AFM: variants seen among roughly 807,000 people sequenced by gnomAD.
The protein encoded by AFM is afamin.
Under a neutral mutation model 68.7 loss-of-function variants are expected in AFM, and 82 were observed. The ratio of observed to expected loss-of-function variants is 1.19; its 90% CI spans 1.00 to 1.43. AFM has a LOEUF of 1.43. Among genes scored for constraint, AFM ranks in the 40% most tolerant of loss-of-function variants. The probability of loss-of-function intolerance (pLI) is 0.00; values close to 1 mark genes in which losing one functional copy is unlikely to be tolerated. For synonymous variants in AFM, 250 were observed against 234.2 expected (o/e 1.07, Z -0.61); for missense variants, 772 against 701.8 (o/e 1.10, Z -1.13).
At position 73,491,977 on chromosome 4, in the gene AFM, T is replaced by G. The variant is rs907269017; in HGVS notation, c.949T>G (p.Ser317Ala). 1 of 1,613,898 alleles carries G rather than the reference T, an allele frequency of 6.2e-7. No individual in the cohort carries two copies. Among genetic ancestry groups the G allele is most frequent in the Non-Finnish European group, 8.5e-7 (1 of 1,179,918 alleles). The change falls in exon 8 of 15, where the codon TCA (serine) becomes GCA (alanine). Residue 317 changes from serine to alanine, a missense_variant. By Grantham distance (99) the Ser-to-Ala change is moderately conservative. Coordinates refer to ENST00000226355, the MANE Select transcript of AFM (RefSeq NM_001133.2). ...AGAGCGCGGCCAGTGCATAATTAACTCAAACAAAGATGATAGACCAAAGGA... is the reference window on the plus strand; with the variant it reads ...AGAGCGCGGCCAGTGCATAATTAACGCAAACAAAGATGATAGACCAAAGGA... ...IPERGQCIIN[S>A]NKDDRPKDLS... is the part of the protein sequence containing the mutation.
chr4:73,495,921 T>G (rs1721240557), intron 9 of AFM, among the ~76,000 whole-genome samples: 1 of 152,218 alleles, frequency 6.6e-6, no homozygotes, highest in Non-Finnish European at 1.5e-5. Context: ...ACATTTGTGT[T>G]CAACTCTTCA....
rs754251771 is a variant in AFM, at chr4:73,501,775, T to G, written c.1647-12T>G. On this transcript the variant is annotated splice_polypyrimidine_tract_variant and intron_variant, in intron 12 of 14. Transcript: ENST00000226355. ...GCGTTAATTAATTTTATTTGACATCTTTTGGCCACAGGTTTCTTGTCAACT... is the reference window on the plus strand; with the variant it reads ...GCGTTAATTAATTTTATTTGACATCGTTTGGCCACAGGTTTCTTGTCAACT... 1.2e-6 allele frequency: 2 copies of G among 1,608,604 alleles called. No homozygotes were observed. Among genetic ancestry groups the G allele is most frequent in the African/African-American group, 2.7e-5 (2 of 74,570 alleles).
In AFM at chr4:73,486,077, A is replaced by T. The variant is rs369562317; in HGVS notation, c.482+4A>T. The T allele has an allele frequency of 1.4e-5, 22 of 1,607,584 alleles. No homozygotes were observed. Among genetic ancestry groups the T allele is most frequent in the East Asian group, 1.1e-4 (5 of 44,828 alleles). ...ACAGAGAATCCCTTTTAAATCAGTA[A>T]GTTTAATCTTAGTAAAAAATGATCC... On this transcript the variant is annotated splice_donor_region_variant and intron_variant, in intron 4 of 14. Transcript: ENST00000226355.
chr4:73,497,017 A>G lies in AFM; in HGVS notation c.1192-635A>G, dbSNP rs145564448. The stretch of plus-strand genomic sequence containing the variant: ...TGTTTCTGATCCTTAAATTAATCAT[A>G]GCGCTAGAAAATTCTCTCTTTTCAT... On this transcript the variant is annotated intron_variant, in intron 9 of 14. Coordinates refer to ENST00000226355, the MANE Select transcript of AFM (RefSeq NM_001133.2). 9.9e-5 allele frequency among the ~76,000 whole-genome samples: 15 copies of G among 152,274 alleles called. No individual in the cohort carries two copies. The East Asian group carries it at 2.9e-3, about 29-fold the overall frequency.
intron 4 of AFM, 100 bp from the exon 5 acceptor site, chr4:73,486,867 C>A: frequency 8.3e-7 from 1 of 1,198,650 alleles, no homozygotes; most frequent in Non-Finnish European, 1.2e-6. Flanking sequence ...TCCTTCCCAT[C>A]TTACCCTCCC....
At position 73,501,814 on chromosome 4, in the gene AFM, G is replaced by A. The variant is rs776254087; in HGVS notation, c.1674G>A (p.Lys558=). The change falls in exon 13 of 15, where the codon AAG becomes AAA. Residue 558 remains lysine, a synonymous_variant. Coordinates refer to ENST00000226355, the MANE Select transcript of AFM (RefSeq NM_001133.2). Reference sequence around the variant, plus strand: ...TTCTTGTCAACTTAGTGAAGCTGAAGCATGAACTCACAGATGAAGAGCTGC... The same window carrying A: ...TTCTTGTCAACTTAGTGAAGCTGAAACATGAACTCACAGATGAAGAGCTGC... ...DRFLVNLVKL[K]HELTDEELQS... The A allele has an allele frequency of 1.2e-6, 2 of 1,613,218 alleles. No homozygotes were observed. Among genetic ancestry groups the A allele is most frequent in the South Asian group, 1.1e-5 (1 of 91,024 alleles).
intron 3 of AFM, among the ~76,000 whole-genome samples, chr4:73,485,168 G>A (rs1307115270): frequency 1.3e-5 from 2 of 151,874 alleles, no homozygotes; most frequent in African/African-American, 4.8e-5. Context: ...CCCTTTTCTG[G>A]GCCTCCTCCA....
At position 73,487,716 on chromosome 4, in the gene AFM, T is replaced by A; in HGVS notation, c.616-8T>A. The A allele has an allele frequency of 1.3e-6, 2 of 1,574,360 alleles. No individual in the cohort carries two copies. The highest frequency in any genetic ancestry group is 1.7e-6 in the Non-Finnish European group (2 of 1,147,900). ...TTGTTTCAAAAGAATTTTCTCTTTC[T>A]TCTTCAGGCAATACCTGTCACACAA... is the stretch of plus-strand genomic sequence containing the variant. On this transcript the variant is annotated splice_polypyrimidine_tract_variant and splice_region_variant and intron_variant, in intron 5 of 14. Transcript: ENST00000226355.
chr4:73,493,675 C>A (rs911857064), intron 8 of AFM, among the ~76,000 whole-genome samples: 4 of 151,954 alleles, frequency 2.6e-5, no homozygotes, highest in Non-Finnish European at 5.9e-5. Context: ...AGTAATTTAC[C>A]CGAAGTCACA....
intron 8 of AFM, chr4:73,495,034 T>C: frequency 4.0e-6 from 1 of 247,826 alleles, no homozygotes; most frequent in South Asian, 1.6e-4. Flanking sequence ...GATTAAATCA[T>C]TCCAATAATT....
chr4:73,493,675 C>CTTA (rs1721164606), intron 8 of AFM, among the ~76,000 whole-genome samples: 1 of 151,954 alleles, frequency 6.6e-6, no homozygotes, highest in Non-Finnish European at 1.5e-5. Flanking sequence ...AGTAATTTAC[C>CTTA]CGAAGTCACA....
chr4:73,490,187 CAAAA>C (rs374246384), intron 7 of AFM, among the ~76,000 whole-genome samples: 3 of 92,828 alleles, frequency 3.2e-5, no homozygotes, highest in Admixed American at 2.1e-4. Context: ...AACCTTATTT[CAAAA>C]AAAAAAAAAA....
chr4:73,503,301 A>G (rs564624943), intron 14 of AFM, among the ~76,000 whole-genome samples, 191 bp downstream of exon 14: 2 of 152,176 alleles, frequency 1.3e-5, no homozygotes, highest in East Asian at 3.9e-4. Flanking sequence ...TGGGGTGGCA[A>G]TGCTGCATTT....
rs1192962538 is a variant in AFM at position 73,495,327 on chromosome 4, T to C, written c.1086T>C (p.His362=). ...AKFTFEYSRR[H]PDLSIPELLR... ...TTACTTTTGAATACTCAAGGAGACA[T>C]CCAGACCTGTCTATACCAGAGCTTT... Residue 362 remains histidine, a synonymous_variant, in exon 9 of 15, where the codon CAT becomes CAC. Transcript: ENST00000226355. The C allele has an allele frequency of 2.5e-6, 4 of 1,605,664 alleles. No individual in the cohort carries two copies. The African/African-American group carries it at 5.4e-5, about 22-fold the overall frequency.
At chr4:73,488,990 A>T (rs1033543613) in intron 7 of AFM, among the ~76,000 whole-genome samples, 6 of 152,202 alleles carry the variant, frequency 3.9e-5, no homozygotes, top group African/African-American at 1.4e-4. Flanking sequence ...ATATGGCTAA[A>T]TGTCTTGATG....
In AFM at chr4:73,485,877, G is replaced by C. The variant is rs755952089; in HGVS notation, c.286G>C (p.Glu96Gln). The C allele has an allele frequency of 1.2e-6, 2 of 1,613,766 alleles. No individual in the cohort carries two copies. Among genetic ancestry groups the C allele is most frequent in the Admixed American group, 3.3e-5 (2 of 59,972 alleles). ...CSKLPNNVLQ[E>Q]KICAMEGLPQ... is the part of the protein sequence containing the mutation. ...TGTTGTATAGAATAATGTTTTACAG[G>C]AAAAAATATGTGCTATGGAGGGGCT... Residue 96 changes from glutamate to glutamine, a missense_variant, in exon 4 of 15, where the codon GAA becomes CAA. By Grantham distance (29) the Glu-to-Gln change is conservative. Transcript: ENST00000226355.
rs1404068750 is a variant in AFM, at chr4:73,503,054, C to T, written c.1784C>T (p.Pro595Leu). 1 of 1,612,856 alleles carries T rather than the reference C, an allele frequency of 6.2e-7. No homozygotes were observed. The highest frequency in any genetic ancestry group is 1.1e-5 in the South Asian group (1 of 91,018). Residue 595 changes from proline to leucine, a missense_variant, in exon 14 of 15, where the codon CCA becomes CTA. Pro to Leu is a moderately conservative substitution (Grantham distance 98). Transcript: ENST00000226355. Reference protein sequence around the residue: ...SPEVCFNEESPKIGN With the variant: ...SPEVCFNEESLKIGN ...TATTTCCATCCCTCACCTCAGAGTC[C>T]AAAAATTGGCAACTGAAGCCAGCTG... is the stretch of plus-strand genomic sequence containing the variant.
intron 7 of AFM, 63 bp from the exon 8 acceptor site, chr4:73,491,808 CA>C (rs1334026884): frequency 6.8e-6 from 9 of 1,323,776 alleles, no homozygotes; most frequent in African/African-American, 1.5e-5. Flanking sequence ...TGCATGCCAT[CA>C]TTCCATAATG....
chr4:73,499,819 A>G (rs1721376471), intron 11 of AFM, among the ~76,000 whole-genome samples, 185 bp from the exon 12 acceptor site: 1 of 152,164 alleles, frequency 6.6e-6, no homozygotes, highest in South Asian at 2.1e-4. Flanking sequence ...GATTTTGGTC[A>G]TAATGCCATT....
Sources: gnomAD v4.1 joint callset for allele counts (sites outside exome capture counted in the v4.1 genomes callset) on GRCh38, gnomAD v4.1.1 for gene constraint, MANE v1.5 for transcripts, NCBI Gene and HGNC (gene_info 2026-07-23, HGNC 2026-07-21) for gene names.